The following CADM1 variants were observed in gnomAD, a reference collection of about 807,000 sequenced individuals.
CADM1 encodes TSLC-1.
Under a neutral mutation model 53.1 loss-of-function variants are expected in CADM1, and 15 were observed. That is an observed-to-expected ratio of 0.28 (90% CI 0.19 to 0.44). CADM1 has a LOEUF of 0.44. Ranked by LOEUF, CADM1 falls within the 20% of genes least tolerant of loss-of-function variation. The pLI is 1.00. For synonymous variants in CADM1, 281 were observed against 243.0 expected (o/e 1.16, Z -1.45); for missense variants, 434 against 611.3 (o/e 0.71, Z 3.06).
chr11:115,196,102 C>T (rs1250591505), intron 9 of CADM1, among the ~76,000 whole-genome samples: 1 of 152,158 alleles, frequency 6.6e-6, no homozygotes. Flanking sequence ...ACATCGTCTC[C>T]AAACTAATAG....
Position 115,187,363 on chromosome 11 carries a change from A to G in CADM1, c.1165+3525T>C, listed in dbSNP as rs142370935. On this transcript the variant is annotated intron_variant, in intron 10 of 11. Transcript: ENST00000331581. ...AGTAACCGGAAGGCCATATATCCCC[A>G]CCTCCGGGACTGATAATCTAGATCA... Among the ~76,000 whole-genome samples the G allele has an allele frequency of 7.7e-3, 1,172 of 152,056 alleles. 18 individuals are homozygous for G. The highest frequency in any genetic ancestry group is 0.027 in the African/African-American group (1,110 of 41,468).
intron 1 of CADM1, among the ~76,000 whole-genome samples, chr11:115,351,368 G>T (rs1024035351): frequency 7.9e-5 from 12 of 152,292 alleles, no homozygotes; most frequent in South Asian, 4.1e-4. Flanking sequence ...GACAACAAAA[G>T]AATTTCACAA....
chr11:115,190,571 T>C (rs1939797840), intron 10 of CADM1: 2 of 250,928 alleles, frequency 8.0e-6, no homozygotes, highest in African/African-American at 4.4e-5. Context: ...ACAAAATTTC[T>C]CCCGACACAT....
chr11:115,376,039 C>T (rs1047950961), intron 1 of CADM1, among the ~76,000 whole-genome samples: 2 of 151,878 alleles, frequency 1.3e-5, no homozygotes, highest in Non-Finnish European at 2.9e-5. Flanking sequence ...AGATAGCAAA[C>T]TTGTAATTTA....
chr11:115,188,037 CTG>C (rs1939661128), intron 10 of CADM1, among the ~76,000 whole-genome samples: 1 of 152,178 alleles, frequency 6.6e-6, no homozygotes, highest in Non-Finnish European at 1.5e-5. Flanking sequence ...ATTTCTTGAA[CTG>C]TGCTGGAGGG....
chr11:115,356,235 T>TTATATTATA (rs1310175616), intron 1 of CADM1, among the ~76,000 whole-genome samples: 1 of 148,352 alleles, frequency 6.7e-6, no homozygotes, highest in Non-Finnish European at 1.5e-5. Context: ...TTATATGATT[T>TTATATTATA]TATATTATAT....
chr11:115,320,282 G>A (rs989018492), intron 1 of CADM1, among the ~76,000 whole-genome samples: 1 of 151,966 alleles, frequency 6.6e-6, no homozygotes, highest in Non-Finnish European at 1.5e-5. Context: ...AGGCTGGTCT[G>A]GAACTCCTGG....
chr11:115,402,928 T>C (rs533287096), intron 1 of CADM1, among the ~76,000 whole-genome samples: 1 of 152,266 alleles, frequency 6.6e-6, no homozygotes, highest in African/African-American at 2.4e-5. Context: ...CTTCAATAAA[T>C]GGTACTGATA....
At chr11:115,182,543 CAT>C (rs1431340196) in intron 10 of CADM1, among the ~76,000 whole-genome samples, 1 of 152,222 alleles carries the variant, frequency 6.6e-6, no homozygotes, top group Non-Finnish European at 1.5e-5. Context: ...AATTATTTCA[CAT>C]GTGACCTCAG....
chr11:115,373,569 G>A (rs1946361252), intron 1 of CADM1, among the ~76,000 whole-genome samples: 2 of 107,458 alleles, frequency 1.9e-5, no homozygotes, highest in African/African-American at 7.4e-5. Flanking sequence ...GGGTGACAGA[G>A]CAAGACTCTG....
In CADM1 at chr11:115,340,658, A is replaced by ATATAT. The variant is rs60532835; in HGVS notation, c.125-100239_125-100238insATATA. Among the ~76,000 whole-genome samples the ATATAT allele has an allele frequency of 2.9e-3, 101 of 34,942 alleles. 1 individual carries two copies. Among genetic ancestry groups the ATATAT allele is most frequent in the East Asian group, 0.016 (15 of 918 alleles). 22.9% of individuals were successfully genotyped at this position (34,942 alleles called of 152,430 possible). ...TATATATATATATATATATATATAT[A>ATATAT]TTTTTTTTTTTTTTTTTTTTGAGAC... On this transcript the variant is annotated intron_variant, in intron 1 of 11. Coordinates refer to ENST00000331581, the MANE Select transcript of CADM1 (RefSeq NM_001301043.2).
intron 1 of CADM1, among the ~76,000 whole-genome samples, chr11:115,355,976 G>T (rs2135076550): frequency 6.6e-6 from 1 of 152,210 alleles, no homozygotes; most frequent in Non-Finnish European, 1.5e-5. Flanking sequence ...GGGATTATAG[G>T]CATGTGCCAC....
At chr11:115,222,066 A>G (rs1399939438) in intron 5 of CADM1, among the ~76,000 whole-genome samples, 3 of 152,184 alleles carry the variant, frequency 2.0e-5, no homozygotes, top group Non-Finnish European at 4.4e-5. Context: ...CAATATTCTG[A>G]AACACCAAGG....
chr11:115,250,117 A>G (rs529168611), intron 1 of CADM1, among the ~76,000 whole-genome samples: 38 of 152,194 alleles, frequency 2.5e-4, no homozygotes, highest in African/African-American at 7.9e-4. Flanking sequence ...GTTAGCCAGG[A>G]TGGTCTCGAT....
chr11:115,292,936 G>C (rs1943945079), intron 1 of CADM1, among the ~76,000 whole-genome samples: 1 of 152,164 alleles, frequency 6.6e-6, no homozygotes, highest in African/African-American at 2.4e-5. Flanking sequence ...TACTGTAATA[G>C]CCTTCAGGAT....
intron 1 of CADM1, among the ~76,000 whole-genome samples, chr11:115,338,096 T>C (rs1945315317): frequency 6.6e-6 from 1 of 152,198 alleles, no homozygotes; most frequent in East Asian, 1.9e-4. Context: ...CTTCTACAAA[T>C]GTTAGCAGGA....
At chr11:115,471,734 T>C (rs894353120) in intron 1 of CADM1, among the ~76,000 whole-genome samples, 1 of 151,938 alleles carries the variant, frequency 6.6e-6, no homozygotes, top group Non-Finnish European at 1.5e-5. Context: ...AGAGATGGAG[T>C]TTGTTGACTG....
At chr11:115,307,773 T>C (rs1311445181) in intron 1 of CADM1, among the ~76,000 whole-genome samples, 1 of 151,874 alleles carries the variant, frequency 6.6e-6, no homozygotes, top group Non-Finnish European at 1.5e-5. Context: ...CCTTGAAGGG[T>C]CATATGTTTA....
intron 1 of CADM1, among the ~76,000 whole-genome samples, chr11:115,445,522 G>C (rs1418757904): frequency 6.6e-6 from 1 of 151,360 alleles, no homozygotes; most frequent in Admixed American, 6.6e-5. Context: ...AAAAATCAAA[G>C]AACCGTGTAG....
Sources: gnomAD v4.1 joint callset for allele counts (sites outside exome capture counted in the v4.1 genomes callset) on GRCh38, gnomAD v4.1.1 for gene constraint, MANE v1.5 for transcripts, NCBI Gene and HGNC (gene_info 2026-07-23, HGNC 2026-07-21) for gene names.